The following RGPD2 variants were observed in gnomAD, a reference collection of about 807,000 sequenced individuals.
RGPD2 encodes RANBP2-like and GRIP domain-containing protein 2.
In RGPD2, 2 loss-of-function variants were observed where a neutral mutation model predicts 36.0. The ratio of observed to expected loss-of-function variants is 0.06; its 90% confidence interval spans 0.02 to 0.17. The LOEUF is 0.17. Among genes scored for constraint, RGPD2 ranks in the 10% least tolerant of loss-of-function variants. The probability of loss-of-function intolerance (pLI) is 1.00; values close to 1 mark genes in which losing one functional copy is unlikely to be tolerated. For synonymous variants in RGPD2, 19 were observed against 163.8 expected (o/e 0.12, Z 6.75); for missense variants, 40 against 464.3 (o/e 0.09, Z 8.40).
chr2:87,877,071 C>T, the RGPD2 span, among the ~76,000 whole-genome samples: 1 of 152,280 alleles, frequency 6.6e-6, no homozygotes, highest in African/African-American at 2.4e-5. Flanking sequence ...TTTTCTCCAT[C>T]TCTTTATTTT....
chr2:87,858,225 C>T, the RGPD2 span, among the ~76,000 whole-genome samples: 1 of 151,756 alleles, frequency 6.6e-6, no homozygotes, highest in Admixed American at 6.6e-5. Context: ...TTGCAGTGAG[C>T]CAAGATTGCG....
the RGPD2 span, among the ~76,000 whole-genome samples, chr2:87,854,941 T>C: frequency 1.3e-5 from 2 of 152,210 alleles, no homozygotes; most frequent in African/African-American, 4.8e-5. Flanking sequence ...CATTGTGTCA[T>C]GATCACTACA....
chr2:87,857,765 C>T, the RGPD2 span, among the ~76,000 whole-genome samples: 6 of 143,904 alleles, frequency 4.2e-5, no homozygotes, highest in Non-Finnish European at 9.0e-5. Flanking sequence ...GGTGAAACCC[C>T]ATCTCTACTA....
At chr2:87,929,076 T>G in the RGPD2 span, among the ~76,000 whole-genome samples, 1 of 151,946 alleles carries the variant, frequency 6.6e-6, no homozygotes, top group Admixed American at 6.6e-5. Context: ...TGTCAATTTT[T>G]GCTTTTGTTG....
At chr2:87,855,320 G>A in the RGPD2 span, among the ~76,000 whole-genome samples, 2 of 151,470 alleles carry the variant, frequency 1.3e-5, no homozygotes, top group Non-Finnish European at 2.9e-5. Flanking sequence ...GTCTTCCAAA[G>A]TGGCTATGCC....
the RGPD2 span, among the ~76,000 whole-genome samples, chr2:87,875,509 T>C: frequency 1.3e-5 from 2 of 152,266 alleles, no homozygotes; most frequent in East Asian, 3.8e-4. Flanking sequence ...ATCACATTCA[T>C]TGCTTTGCAT....
At chr2:87,940,604 G>A in the RGPD2 span, among the ~76,000 whole-genome samples, 3 of 125,780 alleles carry the variant, frequency 2.4e-5, no homozygotes, top group South Asian at 2.8e-4. Context: ...AACAAGCAAC[G>A]GGAGTTTATT....
At chr2:87,988,539 ATAT>A in the RGPD2 span, among the ~76,000 whole-genome samples, 8 of 24,046 alleles carry the variant, frequency 3.3e-4, 2 homozygotes, top group Non-Finnish European at 3.9e-4. Context: ...ATATATATAT[ATAT>A]TTTTTTTTTT....
At chr2:87,880,301 T>C in the RGPD2 span, among the ~76,000 whole-genome samples, 2 of 151,758 alleles carry the variant, frequency 1.3e-5, no homozygotes. Context: ...GCTGTGCAAA[T>C]GATTTTTAGG....
the RGPD2 span, among the ~76,000 whole-genome samples, chr2:87,876,912 G>A: frequency 3.9e-5 from 6 of 151,982 alleles, no homozygotes; most frequent in Non-Finnish European, 8.8e-5. Context: ...TATATAATTA[G>A]GTTAGTTAGC....
At chr2:87,973,835 T>C in the RGPD2 span, among the ~76,000 whole-genome samples, 2 of 149,108 alleles carry the variant, frequency 1.3e-5, no homozygotes, top group Non-Finnish European at 3.0e-5. Flanking sequence ...ATAGGACCTA[T>C]TTCCCAGGGT....
chr2:87,843,259 TC>T, the RGPD2 span, among the ~76,000 whole-genome samples: 1 of 96,482 alleles, frequency 1.0e-5, no homozygotes, highest in East Asian at 3.2e-4. Flanking sequence ...GAAACTACCA[TC>T]AGAGTGAACA....
At chr2:87,929,005 G>C in the RGPD2 span, among the ~76,000 whole-genome samples, 2 of 151,690 alleles carry the variant, frequency 1.3e-5, no homozygotes, top group Non-Finnish European at 2.9e-5. Flanking sequence ...AGGTTGTCGG[G>C]TTACTCTATT....
chr2:87,844,467 C>T, the RGPD2 span, among the ~76,000 whole-genome samples: 2 of 150,358 alleles, frequency 1.3e-5, no homozygotes, highest in South Asian at 2.1e-4. Flanking sequence ...GATAGCAAAA[C>T]ATTCACTCTT....
the RGPD2 span, among the ~76,000 whole-genome samples, chr2:87,894,792 G>A: frequency 7.7e-6 from 1 of 130,054 alleles, no homozygotes; most frequent in African/African-American, 2.8e-5. Context: ...CTCTATAATG[G>A]TAAACAATCA....
At chr2:87,983,471 C>A in the RGPD2 span, among the ~76,000 whole-genome samples, 2 of 121,338 alleles carry the variant, frequency 1.6e-5, no homozygotes, top group African/African-American at 3.1e-5. Flanking sequence ...ATTCACTCAA[C>A]AAATGTTCAC....
At chr2:87,924,507 T>C in the RGPD2 span, among the ~76,000 whole-genome samples, 1 of 152,222 alleles carries the variant, frequency 6.6e-6, no homozygotes, top group Non-Finnish European at 1.5e-5. Flanking sequence ...TTCACATGCC[T>C]TTTTCATCAC....
chr2:87,961,353 C>T, the RGPD2 span, among the ~76,000 whole-genome samples: 4 of 152,024 alleles, frequency 2.6e-5, no homozygotes, highest in Non-Finnish European at 2.9e-5. Context: ...TCCTTGGCGA[C>T]GTCGGCGCTC....
chr2:87,864,502 T>C, the RGPD2 span, among the ~76,000 whole-genome samples: 3 of 152,246 alleles, frequency 2.0e-5, no homozygotes, highest in African/African-American at 4.8e-5. Flanking sequence ...TAGCAGAACA[T>C]AGGACTTCTC....
Sources: gnomAD v4.1 joint callset for allele counts (sites outside exome capture counted in the v4.1 genomes callset) on GRCh38, gnomAD v4.1.1 for gene constraint, MANE v1.5 for transcripts, NCBI Gene and HGNC (gene_info 2026-07-23, HGNC 2026-07-21) for gene names.